CLEC17A: variants seen among roughly 807,000 people sequenced by gnomAD.
CLEC17A encodes C-type lectin domain containing 17A, also known as C-type lectin domain family 17, member A.
Under a neutral mutation model 61.3 loss-of-function variants are expected in CLEC17A, and 37 were observed. The observed-to-expected ratio is 0.60, with a 90% CI of 0.46 to 0.79. The LOEUF is 0.79. Among genes scored for constraint, CLEC17A ranks in the 30% least tolerant of loss-of-function variants. The pLI is 0.00. For missense variants in CLEC17A, 418 were observed against 464.7 expected, an observed-to-expected ratio of 0.90 and a Z score of 0.92; for synonymous variants, 168 against 164.9, an observed-to-expected ratio of 1.02 and a Z score of -0.14.
chr19:14,591,740 G>A (rs550354802), intron 3 of CLEC17A, among the ~76,000 whole-genome samples: 40 of 151,614 alleles, frequency 2.6e-4, no homozygotes, highest in African/African-American at 8.2e-4. Flanking sequence ...TTTTGTTAGA[G>A]ACGGGGTTTC....
At chr19:14,595,140 G>A in intron 7 of CLEC17A, 134 bp from the exon 8 acceptor site, 1 of 1,014,030 alleles carries the variant, frequency 9.9e-7, no homozygotes, top group South Asian at 1.4e-5. Context: ...CGACAGTGCT[G>A]GAATTACAGG....
intron 13 of CLEC17A, among the ~76,000 whole-genome samples, chr19:14,607,868 G>A (rs1014914317): frequency 7.9e-5 from 12 of 150,972 alleles, no homozygotes; most frequent in Non-Finnish European, 1.2e-4. Context: ...GAGCCACTGC[G>A]CCCAACCTTA....
rs2075029526 is a variant in CLEC17A, at chr19:14,611,041, C to G, written c.*845C>G. ...CAAACAAAAGCTTTGAAAGTGGTGA[C>G]AGAAAAATTTCCCTTTGAGCTAGAC... is the stretch of plus-strand genomic sequence containing the variant. On this transcript the variant is annotated 3_prime_UTR_variant, in exon 14 of 14. Transcript: ENST00000417570. 6.7e-6 allele frequency: 1 copy of G among 148,530 alleles called. No homozygotes were observed. The highest frequency in any genetic ancestry group is 1.5e-5 in the Non-Finnish European group (1 of 67,432). The allele number at this position is 148,530 out of a possible 1,614,324, so 9.2% of individuals were successfully genotyped here.
At chr19:14,591,621 T>G (rs1422619895) in intron 3 of CLEC17A, among the ~76,000 whole-genome samples, 2 of 151,068 alleles carry the variant, frequency 1.3e-5, no homozygotes, top group Non-Finnish European at 2.9e-5. Flanking sequence ...TGGTGCGATC[T>G]CAGCTCACTG....
chr19:14,583,248 G>T (rs1292023987), intron 1 of CLEC17A, 45 bp downstream of exon 1: 4 of 1,613,504 alleles, frequency 2.5e-6, no homozygotes, highest in Non-Finnish European at 3.4e-6. Context: ...GTGTGGTCAG[G>T]ACCCAGGGTA....
At chr19:14,605,022 A>G (rs2074819601) in intron 12 of CLEC17A, among the ~76,000 whole-genome samples, 1 of 152,034 alleles carries the variant, frequency 6.6e-6, no homozygotes, top group Admixed American at 6.6e-5. Context: ...GCTAACTGAG[A>G]TCACCTGGCA....
rs140228268 is a variant in CLEC17A at position 14,597,126 on chromosome 19, T to C, written c.611T>C (p.Met204Thr). Residue 204 changes from methionine to threonine, a missense_variant, in exon 10 of 14, where the codon ATG becomes ACG. Met to Thr is a moderately conservative substitution (Grantham distance 81). Coordinates refer to ENST00000417570, the MANE Select transcript of CLEC17A (RefSeq NM_001204118.2). ...KYQELMEELR[M>T]LSFQQMTWRT... ...CAGGAGTTGATGGAAGAACTGAGAATGTTAAGCTTTCAGCAGATGACGTGG... is the reference window on the plus strand; with the variant it reads ...CAGGAGTTGATGGAAGAACTGAGAACGTTAAGCTTTCAGCAGATGACGTGG... The C allele has an allele frequency of 3.6e-4, 580 of 1,613,112 alleles. 1 individual carries two copies. In the African/African-American group the frequency reaches 6.9e-3, roughly 19 times the overall value.
At chr19:14,587,474 C>T in intron 2 of CLEC17A, 140 bp from the exon 3 acceptor site, 1 of 1,338,384 alleles carries the variant, frequency 7.5e-7, no homozygotes, top group Non-Finnish European at 1.0e-6. Context: ...AGGCCCTGGC[C>T]AGGCTGGGGC....
chr19:14,594,786 C>T lies in CLEC17A; in HGVS notation c.389C>T (p.Pro130Leu). Reference protein sequence around the residue: ...TGLDLAAVTCPPPQLAVNLEP... With the variant: ...TGLDLAAVTCLPPQLAVNLEP... ...CTGGACCTCGCCGCTGTCACCTGTC[C>T]ACCTCCTCAACTGGGTGAGCAGTGG... is the stretch of plus-strand genomic sequence containing the variant. Residue 130 changes from proline to leucine, a missense_variant, in exon 7 of 14, where the codon CCA (proline) becomes CTA (leucine). Physicochemically the swap from Pro to Leu is moderately conservative, Grantham distance 98 (BLOSUM62 -3). Transcript: ENST00000417570. 6.2e-7 allele frequency: 1 copy of T among 1,613,812 alleles called. No homozygotes were observed. Among genetic ancestry groups the T allele is most frequent in the African/African-American group, 1.3e-5 (1 of 75,034 alleles).
intron 3 of CLEC17A, among the ~76,000 whole-genome samples, chr19:14,590,592 G>T (rs2074385847): frequency 6.6e-6 from 1 of 152,078 alleles, no homozygotes; most frequent in South Asian, 2.1e-4. Flanking sequence ...CCTCCATGTT[G>T]CTCAGGCTGG....
intron 12 of CLEC17A, 148 bp downstream of exon 12, chr19:14,600,330 A>G (rs1359305544): frequency 1.8e-5 from 17 of 953,612 alleles, no homozygotes; most frequent in Non-Finnish European, 2.6e-5. Flanking sequence ...TTCCTAAGGT[A>G]GTATCATGCA....
chr19:14,600,639 T>C (rs932881727), intron 12 of CLEC17A, among the ~76,000 whole-genome samples: 1 of 151,860 alleles, frequency 6.6e-6, no homozygotes, highest in African/African-American at 2.4e-5. Flanking sequence ...TGGAGTGCAG[T>C]GGCTGGATCT....
At position 14,592,184 on chromosome 19, in the gene CLEC17A, A is replaced by C. The variant is rs1599542177; in HGVS notation, c.200-97A>C. On this transcript the variant is annotated intron_variant, in intron 3 of 13. Coordinates refer to ENST00000417570, the MANE Select transcript of CLEC17A (RefSeq NM_001204118.2). ...CAGGTGTGGTCAAGATCCAGGGTACAGAATCCCCATCATGGGGCAGCTGAG... is the reference window on the plus strand; with the variant it reads ...CAGGTGTGGTCAAGATCCAGGGTACCGAATCCCCATCATGGGGCAGCTGAG... The C allele has an allele frequency of 2.2e-5, 29 of 1,346,338 alleles. No individual in the cohort carries two copies. The African/African-American group carries it at 2.3e-4, about 11-fold the overall frequency. The allele number at this position is 1,346,338 out of a possible 1,614,324, so 83.4% of individuals were successfully genotyped here.
chr19:14,589,402 C>G (rs1340240583), intron 3 of CLEC17A, among the ~76,000 whole-genome samples: 1 of 135,766 alleles, frequency 7.4e-6, no homozygotes, highest in East Asian at 1.9e-4. Flanking sequence ...ATTGTCTGCT[C>G]ATTAGTTTTT....
intron 3 of CLEC17A, among the ~76,000 whole-genome samples, chr19:14,591,944 G>GTGTGTGTGTGTGTGTGT (rs2074429767): frequency 6.6e-6 from 1 of 151,040 alleles, no homozygotes; most frequent in African/African-American, 2.5e-5. Flanking sequence ...GTTTGTGTGA[G>GTGTGTGTGTGTGTGTGT]GTCCAGGGGC....
At chr19:14,595,873 TAGTG>T (rs1433471002) in intron 8 of CLEC17A, among the ~76,000 whole-genome samples, 1 of 117,308 alleles carries the variant, frequency 8.5e-6, no homozygotes, top group African/African-American at 3.2e-5. Flanking sequence ...GTGATGGTGT[TAGTG>T]AGATGGTGAT....
Position 14,611,642 on chromosome 19 carries a change from C to T in CLEC17A, c.*1446C>T, listed in dbSNP as rs970390846. On this transcript the variant is annotated 3_prime_UTR_variant, in exon 14 of 14. Transcript: ENST00000417570. Reference sequence around the variant, plus strand: ...ACCTGGTCATATCCACACAGGACAACGATGGACCTATCTGCCAGCACGTGC... The same window carrying T: ...ACCTGGTCATATCCACACAGGACAATGATGGACCTATCTGCCAGCACGTGC... 1.2e-4 allele frequency among the ~76,000 whole-genome samples: 18 copies of T among 152,064 alleles called. No individual in the cohort carries two copies. The highest frequency in any genetic ancestry group is 3.6e-4 in the African/African-American group (15 of 41,428).
intron 2 of CLEC17A, among the ~76,000 whole-genome samples, chr19:14,586,042 C>T (rs1049268274): frequency 1.3e-5 from 2 of 151,950 alleles, no homozygotes; most frequent in African/African-American, 4.8e-5. Context: ...TATCCTATCC[C>T]ATTGCTCTGT....
chr19:14,593,536 C>T (rs1161192618), intron 4 of CLEC17A, among the ~76,000 whole-genome samples: 1 of 151,598 alleles, frequency 6.6e-6, no homozygotes, highest in Non-Finnish European at 1.5e-5. Context: ...GGGATGTGTG[C>T]CTGTTGTCCC....
Sources: allele counts gnomAD v4.1 joint callset (sites outside exome capture counted in the v4.1 genomes callset), GRCh38; gene constraint gnomAD v4.1.1; transcripts MANE v1.5; gene names NCBI Gene and HGNC (gene_info 2026-07-23, HGNC 2026-07-21).